Variants in SGCD observed in about 807,000 individuals in gnomAD.
SGCD encodes sarcoglycan delta, also known as delta-sarcoglycan.
Under a neutral mutation model 36.6 loss-of-function variants are expected in SGCD, and 18 were observed. The observed-to-expected ratio is 0.49, with a 90% CI of 0.34 to 0.73. The LOEUF (loss-of-function observed/expected upper bound fraction) is 0.73, where lower values mean the gene tolerates loss of function less well. Ranked by LOEUF, SGCD falls within the 30% of genes least tolerant of loss-of-function variation. The pLI is 0.01. For synonymous variants in SGCD, 133 were observed against 130.6 expected, an observed-to-expected ratio of 1.02 and a Z score of -0.12; for missense variants, 387 against 346.7, an observed-to-expected ratio of 1.12 and a Z score of -0.92.
At chr5:156,477,163 G>A (rs749474759) in intron 3 of SGCD, among the ~76,000 whole-genome samples, 3 of 152,080 alleles carry the variant, frequency 2.0e-5, no homozygotes, top group Non-Finnish European at 4.4e-5. Context: ...TATGTTTAAG[G>A]AATCCTTTAG....
intron 7 of SGCD, among the ~76,000 whole-genome samples, chr5:156,736,512 A>G (rs1022583116): frequency 3.9e-5 from 6 of 152,186 alleles, no homozygotes; most frequent in Non-Finnish European, 2.9e-5. Flanking sequence ...CCTTTTAGTG[A>G]GTCTGTGTGT....
chr5:155,835,002 A>ATTTTTTTTTTTTTTTT, the SGCD span, among the ~76,000 whole-genome samples: 3,759 of 60,064 alleles, frequency 0.063, 805 homozygotes, highest in Non-Finnish European at 0.095. Context: ...TGCCCAGCTA[A>ATTTTTTTTTTTTTTTT]TTTTTTTTTT....
At chr5:156,555,233 A>G (rs1227750346) in intron 4 of SGCD, among the ~76,000 whole-genome samples, 1 of 152,080 alleles carries the variant, frequency 6.6e-6, no homozygotes, top group Non-Finnish European at 1.5e-5. Context: ...ATGAAGTCCA[A>G]TTTATCTACT....
chr5:156,349,851 C>T (rs1769146271), intron 3 of SGCD, among the ~76,000 whole-genome samples: 1 of 151,966 alleles, frequency 6.6e-6, no homozygotes, highest in Non-Finnish European at 1.5e-5. Flanking sequence ...CCTAAGTCCC[C>T]ATGAACAGGT....
At chr5:156,524,521 CATGAA>C (rs1432041824) in intron 4 of SGCD, among the ~76,000 whole-genome samples, 12 of 151,446 alleles carry the variant, frequency 7.9e-5, no homozygotes, top group Middle Eastern at 6.8e-3. Flanking sequence ...TAATATACAT[CATGAA>C]ATGACTAACA....
intron 3 of SGCD, among the ~76,000 whole-genome samples, chr5:156,507,002 T>A (rs1756730188): frequency 6.6e-6 from 1 of 152,176 alleles, no homozygotes; most frequent in Non-Finnish European, 1.5e-5. Flanking sequence ...GATAACCTCA[T>A]GGCAAAAATT....
At chr5:155,751,632 C>T in the SGCD span, among the ~76,000 whole-genome samples, 5 of 151,706 alleles carry the variant, frequency 3.3e-5, no homozygotes, top group Admixed American at 1.3e-4. Flanking sequence ...CAAACAATCC[C>T]TCCTAAAATG....
At chr5:155,877,846 T>A (rs1400548326) in intron 1 of SGCD, among the ~76,000 whole-genome samples, 1 of 152,112 alleles carries the variant, frequency 6.6e-6, no homozygotes, top group Admixed American at 6.6e-5. Flanking sequence ...TTCAATATGA[T>A]AATATGCATT....
At chr5:156,061,919 C>CTTTTTTTTTTTT (rs757769130) in intron 1 of SGCD, among the ~76,000 whole-genome samples, 30 of 71,744 alleles carry the variant, frequency 4.2e-4, no homozygotes, top group Non-Finnish European at 6.9e-4. Flanking sequence ...GGAGTTTTCA[C>CTTTTTTTTTTTT]TTTTTTTTTT....
chr5:156,051,967 C>T (rs1759929365), intron 1 of SGCD, among the ~76,000 whole-genome samples: 1 of 145,802 alleles, frequency 6.9e-6, no homozygotes, highest in Non-Finnish European at 1.5e-5. Flanking sequence ...CTTAGTTCAG[C>T]TAAAGACAGG....
intron 3 of SGCD, among the ~76,000 whole-genome samples, chr5:156,288,764 T>C (rs369779912): frequency 2.0e-5 from 3 of 152,132 alleles, no homozygotes. Context: ...TTCCAAGTAA[T>C]CTGTTTTGTG....
At chr5:155,809,185 G>A in the SGCD span, among the ~76,000 whole-genome samples, 1 of 152,188 alleles carries the variant, frequency 6.6e-6, no homozygotes, top group Non-Finnish European at 1.5e-5. Context: ...AGGAGTTGAA[G>A]GTGCATAGTT....
At chr5:156,279,413 T>C (rs1051382612) in intron 3 of SGCD, among the ~76,000 whole-genome samples, 2 of 152,184 alleles carry the variant, frequency 1.3e-5, no homozygotes, top group African/African-American at 4.8e-5. Flanking sequence ...ACCCAATAGA[T>C]ACCTCCTCTA....
intron 1 of SGCD, among the ~76,000 whole-genome samples, chr5:156,000,577 A>T (rs898438733): frequency 7.2e-5 from 11 of 152,140 alleles, no homozygotes; most frequent in Non-Finnish European, 1.3e-4. Context: ...ATGTCAATAC[A>T]AGAAGCATAA....
At chr5:156,303,104 T>A (rs1225031243) in intron 3 of SGCD, among the ~76,000 whole-genome samples, 1 of 152,178 alleles carries the variant, frequency 6.6e-6, no homozygotes, top group East Asian at 1.9e-4. Flanking sequence ...AGGAATGCCA[T>A]CTGGGAGGTA....
intron 6 of SGCD, among the ~76,000 whole-genome samples, chr5:156,606,522 AATGT>A (rs1761463743): frequency 6.6e-6 from 1 of 152,062 alleles, no homozygotes; most frequent in Non-Finnish European, 1.5e-5. Context: ...TTGACTTGGC[AATGT>A]AGGTTCTTTT....
At chr5:155,920,734 C>T (rs1372053473) in intron 1 of SGCD, among the ~76,000 whole-genome samples, 1 of 152,112 alleles carries the variant, frequency 6.6e-6, no homozygotes, top group African/African-American at 2.4e-5. Context: ...GGGCGGCATA[C>T]TCTTGGATGG....
At chr5:156,271,028 C>A (rs112196454) in intron 3 of SGCD, among the ~76,000 whole-genome samples, 2,264 of 152,254 alleles carry the variant, frequency 0.015, 23 homozygotes, top group Non-Finnish European at 0.023. Flanking sequence ...ACCACTGGAA[C>A]TGATAAAATG....
intron 2 of SGCD, among the ~76,000 whole-genome samples, chr5:156,342,264 T>C (rs1013246431): frequency 6.6e-6 from 1 of 152,252 alleles, no homozygotes; most frequent in Admixed American, 6.5e-5. Flanking sequence ...GCAACTGATA[T>C]AGTGGCAATA....
Sources: allele counts gnomAD v4.1 joint callset (sites outside exome capture counted in the v4.1 genomes callset), GRCh38; gene constraint gnomAD v4.1.1; transcripts MANE v1.5; gene names NCBI Gene and HGNC (gene_info 2026-07-23, HGNC 2026-07-21).